Variants in DAB1 observed in about 807,000 individuals in gnomAD.
DAB1 encodes the protein disabled homolog 1.
A neutral mutation model predicts 64.6 loss-of-function variants in DAB1; 15 were observed. The ratio of observed to expected loss-of-function variants is 0.23; its 90% CI spans 0.16 to 0.36. The LOEUF is 0.36. Ranked by LOEUF, DAB1 falls within the 10% of genes least tolerant of loss-of-function variation. The pLI is 1.00. For missense variants in DAB1, 596 were observed against 706.7 expected (o/e 0.84, Z 1.78); for synonymous variants, 235 against 251.9 (o/e 0.93, Z 0.64).
chr1:57,669,712 G>C (rs1646489017), intron 6 of DAB1, among the ~76,000 whole-genome samples: 1 of 152,140 alleles, frequency 6.6e-6, no homozygotes, highest in Admixed American at 6.6e-5. Flanking sequence ...TATGATTTCT[G>C]TATGCCATGA....
chr1:57,443,703 C>T (rs928708953), intron 7 of DAB1, among the ~76,000 whole-genome samples: 1 of 152,164 alleles, frequency 6.6e-6, no homozygotes, highest in African/African-American at 2.4e-5. Context: ...CTGCTTCATT[C>T]CCCTATAGCC....
At chr1:57,952,859 T>C (rs1259697535) in intron 5 of DAB1, among the ~76,000 whole-genome samples, 2 of 152,198 alleles carry the variant, frequency 1.3e-5, no homozygotes, top group Non-Finnish European at 2.9e-5. Flanking sequence ...GCTGCACAGA[T>C]GGGAAGTGAG....
At chr1:57,691,319 G>C (rs920701996) in intron 6 of DAB1, among the ~76,000 whole-genome samples, 3 of 152,106 alleles carry the variant, frequency 2.0e-5, no homozygotes, top group African/African-American at 7.2e-5. Flanking sequence ...TCAGTACTCT[G>C]TGTCTAGCTA....
At chr1:58,112,823 G>C (rs1055093945) in intron 5 of DAB1, among the ~76,000 whole-genome samples, 1 of 152,128 alleles carries the variant, frequency 6.6e-6, no homozygotes, top group African/African-American at 2.4e-5. Context: ...CTGTCAAGTG[G>C]GTGGTGTGAT....
intron 6 of DAB1, among the ~76,000 whole-genome samples, chr1:57,706,770 C>T (rs563486852): frequency 4.4e-4 from 67 of 152,064 alleles, no homozygotes; most frequent in Non-Finnish European, 8.4e-4. Flanking sequence ...GTATTAACCA[C>T]CCCAATTAAG....
chr1:57,916,438 G>C (rs921302545), intron 5 of DAB1, among the ~76,000 whole-genome samples: 3 of 152,200 alleles, frequency 2.0e-5, no homozygotes, highest in Non-Finnish European at 4.4e-5. Flanking sequence ...TAAGTTTATA[G>C]CTTGACATTT....
chr1:57,131,694 A>G (rs1396900691), intron 4 of DAB1, among the ~76,000 whole-genome samples: 1 of 152,204 alleles, frequency 6.6e-6, no homozygotes, highest in Non-Finnish European at 1.5e-5. Flanking sequence ...GGAATAAATT[A>G]TTAAATCAGC....
At chr1:57,855,894 C>A (rs1277880960) in intron 1 of DAB1, among the ~76,000 whole-genome samples, 3 of 152,022 alleles carry the variant, frequency 2.0e-5, no homozygotes, top group Admixed American at 6.6e-5. Flanking sequence ...GAATAGAGAC[C>A]TAGGAGGCTG....
At chr1:58,120,670 T>C (rs1178046630) in intron 5 of DAB1, among the ~76,000 whole-genome samples, 1 of 152,164 alleles carries the variant, frequency 6.6e-6, no homozygotes, top group Non-Finnish European at 1.5e-5. Flanking sequence ...CTTCCAACTT[T>C]AGCTGCCTAA....
At chr1:58,398,931 C>T (rs967391159) in intron 3 of DAB1, among the ~76,000 whole-genome samples, 1 of 152,166 alleles carries the variant, frequency 6.6e-6, no homozygotes, top group African/African-American at 2.4e-5. Flanking sequence ...TCACACTGCC[C>T]TAACTCCAGG....
chr1:58,033,485 G>T (rs1274102444), intron 5 of DAB1, among the ~76,000 whole-genome samples: 3 of 152,214 alleles, frequency 2.0e-5, no homozygotes, highest in Admixed American at 2.0e-4. Flanking sequence ...TTCCTATCGG[G>T]AATATGACTA....
At chr1:57,282,660 C>T (rs1437136173) in intron 2 of DAB1, among the ~76,000 whole-genome samples, 1 of 152,228 alleles carries the variant, frequency 6.6e-6, no homozygotes, top group African/African-American at 2.4e-5. Context: ...CACCACAGCA[C>T]ATCATATGAT....
In DAB1 at chr1:57,071,200, A is replaced by T; in HGVS notation, c.559-139T>A. ...CTGGTGGGCCATCAAGGTAGAAAAA[A>T]CACAAAAAAGTCAAAATCCTTAGAG... On this transcript the variant is annotated intron_variant, in intron 6 of 14. Coordinates refer to ENST00000371236, the MANE Select transcript of DAB1 (RefSeq NM_001365792.1). 3 of 861,490 alleles carry T rather than the reference A, an allele frequency of 3.5e-6. No homozygotes were observed. The South Asian group carries it at 5.1e-5, about 15-fold the overall frequency. 53.4% of individuals were successfully genotyped at this position (861,490 alleles called of 1,614,324 possible). A position where few individuals can be genotyped will look rare whatever the true frequency, so the allele number is the denominator to read the frequency against.
chr1:57,478,983 C>T (rs1643976737), intron 7 of DAB1, among the ~76,000 whole-genome samples: 1 of 152,098 alleles, frequency 6.6e-6, no homozygotes, highest in Non-Finnish European at 1.5e-5. Flanking sequence ...CTCTTATGGA[C>T]ACCTGTATCC....
At chr1:57,593,316 T>C (rs916658244) in intron 7 of DAB1, among the ~76,000 whole-genome samples, 5 of 152,174 alleles carry the variant, frequency 3.3e-5, no homozygotes, top group Non-Finnish European at 5.9e-5. Flanking sequence ...TTCATCCATG[T>C]TATAGAAAGT....
intron 5 of DAB1, among the ~76,000 whole-genome samples, chr1:57,897,046 G>C (rs1237591426): frequency 1.3e-5 from 2 of 152,078 alleles, no homozygotes; most frequent in African/African-American, 4.8e-5. Flanking sequence ...AGAAACCATG[G>C]TTTGATCCCT....
At chr1:57,533,673 T>A (rs1168789866) in intron 7 of DAB1, among the ~76,000 whole-genome samples, 2 of 147,918 alleles carry the variant, frequency 1.4e-5, no homozygotes, top group African/African-American at 2.5e-5. Flanking sequence ...CAGCCAAAAT[T>A]AAAAAAAAAA....
intron 4 of DAB1, among the ~76,000 whole-genome samples, chr1:57,100,928 A>G (rs1027266342): frequency 2.0e-5 from 3 of 152,200 alleles, no homozygotes; most frequent in African/African-American, 4.8e-5. Context: ...AGCCTTTATC[A>G]TATGCCAGAC....
upstream of DAB1, among the ~76,000 whole-genome samples, chr1:57,424,727 T>C (rs1220990059): frequency 1.3e-5 from 2 of 152,208 alleles, no homozygotes; most frequent in Non-Finnish European, 2.9e-5. Flanking sequence ...CAGCCGCCAG[T>C]GCAGGTTCGG....
Sources: allele counts gnomAD v4.1 joint callset (sites outside exome capture counted in the v4.1 genomes callset), GRCh38; gene constraint gnomAD v4.1.1; transcripts MANE v1.5; gene names NCBI Gene and HGNC (gene_info 2026-07-23, HGNC 2026-07-21).